The following ZBTB10 variants were observed in gnomAD, a reference collection of about 807,000 sequenced individuals.
ZBTB10 encodes the protein zinc finger and BTB domain-containing protein 10.
A neutral mutation model predicts 76.4 loss-of-function variants in ZBTB10; 32 were observed. That is an observed-to-expected ratio of 0.42 (90% CI 0.32 to 0.56). ZBTB10 has a LOEUF of 0.56. ZBTB10 is among the 20% of genes least tolerant of loss of function. The pLI, the probability that ZBTB10 is intolerant of heterozygous loss-of-function variation, is 0.14. For missense variants in ZBTB10, 1,057 were observed against 1,098.5 expected (o/e 0.96, Z 0.53); for synonymous variants, 523 against 432.9 (o/e 1.21, Z -2.58).
chr8:80,501,673 T>A lies in ZBTB10; in HGVS notation c.1861+1291T>A, dbSNP rs561342894. On this transcript the variant is annotated intron_variant, in intron 2 of 5. Coordinates refer to ENST00000455036, the MANE Select transcript of ZBTB10 (RefSeq NM_001105539.3). ...CTTTCAGTGATAGGAATTTTGTGTA[T>A]GTATGTGTGTGTGTGTGTGTGAAAT... Among the ~76,000 whole-genome samples, 15 of 152,156 alleles carry A rather than the reference T, an allele frequency of 9.9e-5. No homozygotes were observed. In the East Asian group the frequency reaches 2.9e-3, roughly 29 times the overall value.
At chr8:80,514,045 G>T (rs997361400) in intron 3 of ZBTB10, 37 bp downstream of exon 3, 3 of 1,562,096 alleles carry the variant, frequency 1.9e-6, no homozygotes, top group Non-Finnish European at 8.6e-7. Context: ...GTACATTTAA[G>T]ATTGGGAAGT....
chr8:80,499,461 A>T, intron 1 of ZBTB10, 33 bp from the exon 2 acceptor site: 1 of 1,512,722 alleles, frequency 6.6e-7, no homozygotes, highest in Non-Finnish European at 8.8e-7. Context: ...AAGTCAATAA[A>T]GTTTAATATT....
chr8:80,487,989 G>T (rs1204478894), intron 1 of ZBTB10, among the ~76,000 whole-genome samples: 1 of 152,058 alleles, frequency 6.6e-6, no homozygotes, highest in Non-Finnish European at 1.5e-5. Context: ...TATGTGTTGT[G>T]GGGGGAAGGG....
In ZBTB10 at chr8:80,519,622, C is replaced by A; in HGVS notation, c.*94C>A. ...ACTTGAAGGCTTGCAAAATATGGTA[C>A]ATGCTGGATAGTAGTTATGTTGCTG... On this transcript the variant is annotated 3_prime_UTR_variant, in exon 6 of 6. Coordinates refer to ENST00000455036, the MANE Select transcript of ZBTB10 (RefSeq NM_001105539.3). The A allele has an allele frequency of 7.6e-7, 1 of 1,319,698 alleles. No homozygotes were observed. The highest frequency in any genetic ancestry group is 1.0e-6 in the Non-Finnish European group (1 of 975,602). 81.7% of individuals were successfully genotyped at this position (1,319,698 alleles called of 1,614,324 possible). A position where few individuals can be genotyped will look rare whatever the true frequency, so the allele number is the denominator to read the frequency against.
chr8:80,503,318 A>G (rs1484370906), intron 2 of ZBTB10, among the ~76,000 whole-genome samples: 3 of 152,114 alleles, frequency 2.0e-5, no homozygotes, highest in Non-Finnish European at 4.4e-5. Context: ...GGTGCTGTGT[A>G]CTTTCTACCA....
chr8:80,497,145 TTTACA>T (rs767060828), intron 1 of ZBTB10, among the ~76,000 whole-genome samples: 6 of 152,212 alleles, frequency 3.9e-5, no homozygotes, highest in Non-Finnish European at 7.3e-5. Context: ...AGTATCATTC[TTTACA>T]TTTTCACACA....
chr8:80,494,429 A>G (rs919774998), intron 1 of ZBTB10, among the ~76,000 whole-genome samples: 7 of 152,142 alleles, frequency 4.6e-5, no homozygotes, highest in Admixed American at 4.6e-4. Flanking sequence ...ATTCTCTACA[A>G]GTTGGTGGCG....
chr8:80,486,174 C>CT (rs1200445007), upstream of ZBTB10: 15 of 1,180,850 alleles, frequency 1.3e-5, no homozygotes, highest in African/African-American at 2.5e-4. Context: ...CCCTTTCCCC[C>CT]TCCAGCGGTT....
At chr8:80,495,561 A>G (rs562210) in intron 1 of ZBTB10, among the ~76,000 whole-genome samples, 1 of 151,848 alleles carries the variant, frequency 6.6e-6, no homozygotes, top group Non-Finnish European at 1.5e-5. Flanking sequence ...TTAGATACAC[A>G]TGCTTTCTGC....
At position 80,524,899 on chromosome 8, in the gene ZBTB10, A is replaced by T. The variant is rs910591696; in HGVS notation, c.*5371A>T. ...ACTTAATCATTTTGACAAAGGCAGT[A>T]TTGACCAGACATTTCTATTTCAGAG... is the stretch of plus-strand genomic sequence containing the variant. On this transcript the variant is annotated 3_prime_UTR_variant, in exon 6 of 6. Transcript: ENST00000455036. The T allele has an allele frequency of 3.9e-5, 6 of 152,270 alleles. No individual in the cohort carries two copies. The highest frequency in any genetic ancestry group is 1.4e-4 in the African/African-American group (6 of 41,578). The allele number at this position is 152,270 out of a possible 1,614,324, so 9.4% of individuals were successfully genotyped here. A position where few individuals can be genotyped will look rare whatever the true frequency, so the allele number is the denominator to read the frequency against.
At chr8:80,518,301 A>C in intron 3 of ZBTB10, 102 bp from the exon 4 acceptor site, 1 of 1,123,892 alleles carries the variant, frequency 8.9e-7, no homozygotes, top group South Asian at 2.1e-5. Context: ...ATGAAATTCT[A>C]TCATAATGCC....
In ZBTB10 at chr8:80,487,429, A is replaced by G. The variant is rs1239998269; in HGVS notation, c.619A>G (p.Ser207Gly). The change falls in exon 1 of 6, where the codon AGC becomes GGC. Residue 207 changes from serine (S) to glycine (G), a missense_variant. Coordinates refer to ENST00000455036, the MANE Select transcript of ZBTB10 (RefSeq NM_001105539.3). Reference sequence around the variant, plus strand: ...GGCGGAAGGCGGCAGCTGCAGCAGCAGCAGGCGGTCGGGCGGCGATGGCGG... The same window carrying G: ...GGCGGAAGGCGGCAGCTGCAGCAGCGGCAGGCGGTCGGGCGGCGATGGCGG... ...SGAEGGSCSS[S>G]RRSGGDGGDE... is the part of the protein sequence containing the mutation. 39 of 1,544,358 alleles carry G rather than the reference A, an allele frequency of 2.5e-5. No individual in the cohort carries two copies. The highest frequency in any genetic ancestry group is 2.8e-5 in the Non-Finnish European group (32 of 1,142,094).
At chr8:80,510,311 C>G (rs1168805166) in intron 2 of ZBTB10, among the ~76,000 whole-genome samples, 1 of 152,148 alleles carries the variant, frequency 6.6e-6, no homozygotes, top group Non-Finnish European at 1.5e-5. Context: ...GCTTATGTGC[C>G]AGGCCCTGAG....
chr8:80,486,584 C>T lies in ZBTB10; in HGVS notation c.-227C>T, dbSNP rs1306897177. On this transcript the variant is annotated 5_prime_UTR_variant, in exon 1 of 6. Transcript: ENST00000455036. ...GGGGCGGGGGTGGAGGACGAGAGAG[C>T]GGTCGGAGGCGTCGGCCCGGCAGCG... The T allele has an allele frequency of 2.0e-6, 2 of 986,342 alleles. No homozygotes were observed. The highest frequency in any genetic ancestry group is 4.7e-5 in the South Asian group (1 of 21,308). The allele number at this position is 986,342 out of a possible 1,614,324, so 61.1% of individuals were successfully genotyped here.
At chr8:80,495,937 C>A (rs1815771826) in intron 1 of ZBTB10, among the ~76,000 whole-genome samples, 1 of 152,152 alleles carries the variant, frequency 6.6e-6, no homozygotes, top group Non-Finnish European at 1.5e-5. Flanking sequence ...CTCTGAATGT[C>A]TGTTTCTTTA....
rs778604775 is a variant in ZBTB10, at chr8:80,514,037, A to G, written c.1960+29A>G. On this transcript the variant is annotated intron_variant, in intron 3 of 5. Coordinates refer to ENST00000455036, the MANE Select transcript of ZBTB10 (RefSeq NM_001105539.3). ...GGTACAGTAAGATTTTAGCAACAGT[A>G]CATTTAAGATTGGGAAGTGTTACAT... 1.2e-5 allele frequency: 19 copies of G among 1,583,338 alleles called. 1 individual carries two copies. Among genetic ancestry groups the G allele is most frequent in the Middle Eastern group, 3.3e-4 (2 of 6,024 alleles).
chr8:80,492,735 C>T (rs1413441549), intron 1 of ZBTB10, among the ~76,000 whole-genome samples: 3 of 151,922 alleles, frequency 2.0e-5, no homozygotes, highest in Non-Finnish European at 4.4e-5. Flanking sequence ...CCTCGGCCTC[C>T]GAGAGTGCTG....
intron 2 of ZBTB10, among the ~76,000 whole-genome samples, chr8:80,509,234 T>C (rs1347293802): frequency 6.6e-6 from 1 of 152,250 alleles, no homozygotes; most frequent in African/African-American, 2.4e-5. Flanking sequence ...ACATTTACTT[T>C]TAGTTCTGAA....
In ZBTB10 at chr8:80,525,136, T is replaced by G. The variant is rs976165161; in HGVS notation, c.*5608T>G. On this transcript the variant is annotated 3_prime_UTR_variant, in exon 6 of 6. Transcript: ENST00000455036. ...AAAGTCACTATCTGAACTTCTTTCT[T>G]TTTCACCACAAATCACCGCAGACCA... The G allele has an allele frequency of 6.6e-6, 1 of 152,050 alleles. No individual in the cohort carries two copies. Among genetic ancestry groups the G allele is most frequent in the Non-Finnish European group, 1.5e-5 (1 of 67,968 alleles). 9.4% of individuals were successfully genotyped at this position (152,050 alleles called of 1,614,324 possible).
Sources: allele counts gnomAD v4.1 joint callset (sites outside exome capture counted in the v4.1 genomes callset), GRCh38; gene constraint gnomAD v4.1.1; transcripts MANE v1.5; gene names NCBI Gene and HGNC (gene_info 2026-07-23, HGNC 2026-07-21).